CTNNAL1: variants seen among roughly 807,000 people sequenced by gnomAD.
CTNNAL1 encodes the protein alpha-catulin.
CTNNAL1 carries 69 observed loss-of-function variants against 93.6 expected under a neutral mutation model. That is an observed-to-expected ratio of 0.74 (90% CI 0.61 to 0.90). The LOEUF is 0.90. Among genes scored for constraint, CTNNAL1 ranks in the 40% least tolerant of loss-of-function variants. CTNNAL1 has a pLI of 0.00. For synonymous variants in CTNNAL1, 286 were observed against 305.4 expected, an observed-to-expected ratio of 0.94 and a Z score of 0.66; for missense variants, 836 against 862.0, an observed-to-expected ratio of 0.97 and a Z score of 0.38.
chr9:109,000,120 A>T (rs1426068445), intron 1 of CTNNAL1, among the ~76,000 whole-genome samples: 1 of 152,232 alleles, frequency 6.6e-6, no homozygotes, highest in African/African-American at 2.4e-5. Context: ...ATGTTTAGGT[A>T]TTAATATTTT....
At chr9:108,950,779 C>A in intron 14 of CTNNAL1, 1 of 706,596 alleles carries the variant, frequency 1.4e-6, no homozygotes, top group Non-Finnish European at 2.2e-6. Flanking sequence ...GTGAAGCTGC[C>A]TTTGAGATAT....
At chr9:108,953,799 T>G (rs1179945918) in intron 12 of CTNNAL1, among the ~76,000 whole-genome samples, 1 of 150,006 alleles carries the variant, frequency 6.7e-6, no homozygotes, top group African/African-American at 2.4e-5. Flanking sequence ...AAAGGAACTC[T>G]TGTTACACAC....
chr9:108,972,868 G>GGCCCCCCCCCCGGC, intron 8 of CTNNAL1, 35 bp from the exon 9 acceptor site: 1 of 1,092,786 alleles, frequency 9.2e-7, no homozygotes. Context: ...GGGTGGGAGG[G>GGCCCCCCCCCCGGC]TGGAGAAGGA....
intron 11 of CTNNAL1, among the ~76,000 whole-genome samples, chr9:108,957,003 T>A (rs1264705701): frequency 6.6e-6 from 1 of 151,640 alleles, no homozygotes; most frequent in African/African-American, 2.4e-5. Context: ...TTTAAAATAT[T>A]GATTATATAC....
chr9:108,969,837 T>G (rs1223340067), intron 10 of CTNNAL1, among the ~76,000 whole-genome samples: 1 of 152,094 alleles, frequency 6.6e-6, no homozygotes, highest in Non-Finnish European at 1.5e-5. Flanking sequence ...TTGTTTGTTT[T>G]TATTTTTTAT....
intron 4 of CTNNAL1, among the ~76,000 whole-genome samples, chr9:108,986,738 T>C (rs1468854112): frequency 6.6e-6 from 1 of 152,192 alleles, no homozygotes; most frequent in Non-Finnish European, 1.5e-5. Context: ...TGTGAGATGG[T>C]ATCTCATTGT....
intron 4 of CTNNAL1, among the ~76,000 whole-genome samples, chr9:108,985,287 A>G (rs1339046891): frequency 1.3e-5 from 2 of 152,226 alleles, no homozygotes; most frequent in Admixed American, 6.5e-5. Flanking sequence ...GCAAACAGAG[A>G]CAATACACAA....
intron 7 of CTNNAL1, among the ~76,000 whole-genome samples, chr9:108,977,682 C>A (rs1831303751): frequency 6.6e-6 from 1 of 152,148 alleles, no homozygotes; most frequent in Admixed American, 6.5e-5. Flanking sequence ...ATCCACAGTA[C>A]CTGGCATAGC....
chr9:108,958,084 A>AAAAG, intron 11 of CTNNAL1, among the ~76,000 whole-genome samples: 1 of 134,678 alleles, frequency 7.4e-6, no homozygotes, highest in Admixed American at 7.3e-5. Flanking sequence ...AAAAAAAAAA[A>AAAAG]CAAAGTGGGA....
intron 17 of CTNNAL1, 121 bp from the exon 18 acceptor site, chr9:108,943,165 G>A (rs1203609971): frequency 1.1e-6 from 1 of 935,114 alleles, no homozygotes; most frequent in East Asian, 2.7e-5. Context: ...TCTTGAAAGA[G>A]ATATGGATTT....
intron 2 of CTNNAL1, among the ~76,000 whole-genome samples, chr9:108,996,394 G>A (rs1000702481): frequency 6.6e-6 from 1 of 152,132 alleles, no homozygotes; most frequent in Non-Finnish European, 1.5e-5. Flanking sequence ...TCTTAAATTT[G>A]TATGTGTTAA....
At chr9:108,986,809 G>A (rs1197677187) in intron 4 of CTNNAL1, among the ~76,000 whole-genome samples, 3 of 152,126 alleles carry the variant, frequency 2.0e-5, no homozygotes, top group South Asian at 2.1e-4. Flanking sequence ...TGTGTCTTTT[G>A]GCTGCATAAA....
Position 108,947,943 on chromosome 9 carries a change from C to T in CTNNAL1, c.1884+243G>A, listed in dbSNP as rs77830017. 2.7e-3 allele frequency among the ~76,000 whole-genome samples: 414 copies of T among 152,262 alleles called. 3 individuals carry two copies. The highest frequency in any genetic ancestry group is 9.4e-3 in the African/African-American group (390 of 41,542). The stretch of plus-strand genomic sequence containing the variant: ...AGCTTATTATTGCATCTATTGACTA[C>T]CAACAAAGCCCATTCTACTTTATGC... On this transcript the variant is annotated intron_variant, in intron 15 of 18. Coordinates refer to ENST00000325551, the MANE Select transcript of CTNNAL1 (RefSeq NM_003798.4).
At chr9:108,957,507 T>C (rs533961315) in intron 11 of CTNNAL1, among the ~76,000 whole-genome samples, 2 of 152,248 alleles carry the variant, frequency 1.3e-5, no homozygotes, top group African/African-American at 4.8e-5. Context: ...TAAGAGTGAG[T>C]TAATGGTACT....
At chr9:108,985,194 T>C (rs1831569047) in intron 4 of CTNNAL1, among the ~76,000 whole-genome samples, 1 of 152,216 alleles carries the variant, frequency 6.6e-6, no homozygotes, top group Admixed American at 6.5e-5. Context: ...ATACTTTCAA[T>C]TAAAGCCCAG....
intron 1 of CTNNAL1, among the ~76,000 whole-genome samples, chr9:109,001,291 G>GT (rs1161590134): frequency 6.6e-6 from 1 of 152,080 alleles, no homozygotes; most frequent in East Asian, 1.9e-4. Flanking sequence ...CCATTGAAGG[G>GT]TTTTTTAAAC....
At chr9:108,981,723 G>A (rs937383693) in intron 6 of CTNNAL1, among the ~76,000 whole-genome samples, 5 of 152,028 alleles carry the variant, frequency 3.3e-5, no homozygotes, top group Non-Finnish European at 7.4e-5. Context: ...TCCGGAGTTC[G>A]AGACCAGCCT....
intron 12 of CTNNAL1, among the ~76,000 whole-genome samples, chr9:108,954,573 T>G (rs1054459698): frequency 3.3e-5 from 5 of 152,222 alleles, no homozygotes; most frequent in South Asian, 2.1e-4. Context: ...TAGGGTTATC[T>G]TAAAATAACA....
At chr9:108,952,109 G>T in intron 14 of CTNNAL1, 100 bp downstream of exon 14, 1 of 1,004,370 alleles carries the variant, frequency 1.0e-6, no homozygotes. Flanking sequence ...CCATATATTT[G>T]ATACCGACTT....
Sources: gnomAD v4.1 joint callset for allele counts (sites outside exome capture counted in the v4.1 genomes callset) on GRCh38, gnomAD v4.1.1 for gene constraint, MANE v1.5 for transcripts, NCBI Gene and HGNC (gene_info 2026-07-23, HGNC 2026-07-21) for gene names.